CRPPA: variants seen among roughly 807,000 people sequenced by gnomAD.
The protein encoded by CRPPA is CDP-L-ribitol pyrophosphorylase A.
In CRPPA, 43 loss-of-function variants were observed where a neutral mutation model predicts 52.0. The ratio of observed to expected loss-of-function variants is 0.83; its 90% CI spans 0.65 to 1.07. The LOEUF (loss-of-function observed/expected upper bound fraction) is 1.07. CRPPA is among the 50% of genes least tolerant of loss of function. The probability of loss-of-function intolerance (pLI) is 0.00; values close to 1 mark genes in which losing one functional copy is unlikely to be tolerated. For missense variants in CRPPA, 629 were observed against 551.7 expected (o/e 1.14, Z -1.40); for synonymous variants, 250 against 203.5 (o/e 1.23, Z -1.94).
intron 3 of CRPPA, among the ~76,000 whole-genome samples, chr7:16,367,186 T>G (rs1461201044): frequency 2.0e-5 from 3 of 148,156 alleles, no homozygotes; most frequent in Admixed American, 2.0e-4. Context: ...AAAAAAAAAC[T>G]TATGCCTTCT....
At chr7:16,122,363 A>C (rs1782495850) in intron 9 of CRPPA, among the ~76,000 whole-genome samples, 2 of 152,042 alleles carry the variant, frequency 1.3e-5, no homozygotes, top group Non-Finnish European at 2.9e-5. Flanking sequence ...TTGATTATAC[A>C]CATTTCCAAT....
intron 2 of CRPPA, among the ~76,000 whole-genome samples, chr7:16,398,452 T>A (rs1787680975): frequency 6.6e-6 from 1 of 152,086 alleles, no homozygotes; most frequent in East Asian, 1.9e-4. Flanking sequence ...TTGTGACACG[T>A]GACTCACGTG....
intron 2 of CRPPA, among the ~76,000 whole-genome samples, chr7:16,378,969 G>C (rs1455244736): frequency 6.6e-6 from 1 of 151,912 alleles, no homozygotes; most frequent in Admixed American, 6.6e-5. Context: ...TTTTTTTCTT[G>C]TAAATTTGTT....
intron 2 of CRPPA, among the ~76,000 whole-genome samples, chr7:16,398,306 A>G (rs534550937): frequency 6.6e-6 from 1 of 151,764 alleles, no homozygotes; most frequent in East Asian, 2.0e-4. Context: ...CTGACAGGTA[A>G]TTCACGTGAT....
At chr7:16,094,806 T>C (rs1016229291) in intron 9 of CRPPA, among the ~76,000 whole-genome samples, 6 of 152,086 alleles carry the variant, frequency 3.9e-5, no homozygotes, top group African/African-American at 1.4e-4. Context: ...AAGTTCCTGT[T>C]GGAGGGACAT....
At chr7:16,377,434 C>T (rs1005673358) in intron 2 of CRPPA, among the ~76,000 whole-genome samples, 4 of 152,262 alleles carry the variant, frequency 2.6e-5, no homozygotes, top group African/African-American at 4.8e-5. Context: ...ACTGAAACTA[C>T]GTATATTTTT....
chr7:16,286,097 A>AAAAAAAAAAAATATATATATATAT, intron 5 of CRPPA, among the ~76,000 whole-genome samples: 2 of 39,116 alleles, frequency 5.1e-5, no homozygotes, highest in South Asian at 6.5e-4. Flanking sequence ...TAAAAAAAAA[A>AAAAAAAAAAAATATATATATATAT]ATATATATAT....
chr7:16,147,566 A>G (rs1322890531), intron 9 of CRPPA, among the ~76,000 whole-genome samples: 1 of 152,212 alleles, frequency 6.6e-6, no homozygotes, highest in Non-Finnish European at 1.5e-5. Flanking sequence ...ATTGAAGAAA[A>G]TCAGTAAGTT....
At chr7:16,405,493 T>C (rs1340896868) in intron 2 of CRPPA, among the ~76,000 whole-genome samples, 1 of 152,150 alleles carries the variant, frequency 6.6e-6, no homozygotes, top group Non-Finnish European at 1.5e-5. Flanking sequence ...AAAAGTTTAG[T>C]ATCTATTACC....
chr7:16,240,483 A>T (rs747006644), intron 8 of CRPPA, among the ~76,000 whole-genome samples: 1 of 152,002 alleles, frequency 6.6e-6, no homozygotes, highest in African/African-American at 2.4e-5. Context: ...GGAAGAATCC[A>T]TAGGCTACAG....
At chr7:16,102,179 C>A (rs1782059080) in intron 9 of CRPPA, among the ~76,000 whole-genome samples, 1 of 152,108 alleles carries the variant, frequency 6.6e-6, no homozygotes, top group Non-Finnish European at 1.5e-5. Context: ...TGATCTTTCA[C>A]CAACCTGACA....
intron 5 of CRPPA, among the ~76,000 whole-genome samples, chr7:16,282,039 T>C (rs1467852394): frequency 6.6e-6 from 1 of 152,160 alleles, no homozygotes; most frequent in African/African-American, 2.4e-5. Context: ...GTTTGTTTTC[T>C]AGTTTATGAG....
intron 9 of CRPPA, among the ~76,000 whole-genome samples, chr7:16,207,841 G>C (rs1782008844): frequency 6.6e-6 from 1 of 152,092 alleles, no homozygotes; most frequent in Non-Finnish European, 1.5e-5. Flanking sequence ...ATAGTTATAG[G>C]AAATCAGATC....
chr7:16,420,257 G>A (rs1425391280), intron 1 of CRPPA, among the ~76,000 whole-genome samples: 2 of 152,196 alleles, frequency 1.3e-5, no homozygotes, highest in African/African-American at 4.8e-5. Context: ...TGGCTTCAGA[G>A]AAGTTCAAAC....
At chr7:16,370,125 A>C (rs1786709991) in intron 3 of CRPPA, among the ~76,000 whole-genome samples, 1 of 152,190 alleles carries the variant, frequency 6.6e-6, no homozygotes, top group Non-Finnish European at 1.5e-5. Context: ...GCCCTCAGGG[A>C]AGTTAGCCAA....
At chr7:16,297,963 T>C (rs1381286155) in intron 5 of CRPPA, among the ~76,000 whole-genome samples, 2 of 152,210 alleles carry the variant, frequency 1.3e-5, no homozygotes, top group Non-Finnish European at 2.9e-5. Flanking sequence ...TTTCTCTAAA[T>C]AACCCTGATT....
intron 5 of CRPPA, among the ~76,000 whole-genome samples, chr7:16,288,854 A>AG (rs1784501479): frequency 6.7e-6 from 1 of 149,422 alleles, no homozygotes; most frequent in African/African-American, 2.5e-5. Context: ...TCAAAAAAAA[A>AG]AAAAAAAAAA....
chr7:16,137,270 T>C (rs1782780714), intron 9 of CRPPA, among the ~76,000 whole-genome samples: 1 of 152,184 alleles, frequency 6.6e-6, no homozygotes, highest in East Asian at 1.9e-4. Flanking sequence ...AGGAATCAGG[T>C]CCTCACCAAA....
Position 16,109,624 on chromosome 7 carries a change from A to G in CRPPA, c.1252-17825T>C, listed in dbSNP as rs1232559768. Among the ~76,000 whole-genome samples the G allele has an allele frequency of 2.0e-5, 3 of 151,952 alleles. No homozygotes were observed. The East Asian group carries it at 5.8e-4, about 29-fold the overall frequency. On this transcript the variant is annotated intron_variant, in intron 9 of 9. Coordinates refer to ENST00000407010, the MANE Select transcript of CRPPA (RefSeq NM_001101426.4). ...AACCGAACAACAAATTAAAAGGATA[A>G]TCTACTATGACAGATGCAAGGATGA...
Sources: allele counts gnomAD v4.1 joint callset (sites outside exome capture counted in the v4.1 genomes callset), GRCh38; gene constraint gnomAD v4.1.1; transcripts MANE v1.5; gene names NCBI Gene and HGNC (gene_info 2026-07-23, HGNC 2026-07-21).